The following DYNC1I1 variants were observed in gnomAD, a reference collection of about 807,000 sequenced individuals.
The protein encoded by DYNC1I1 is cytoplasmic dynein 1 intermediate chain 1.
DYNC1I1 carries 43 observed loss-of-function variants against 86.6 expected under a neutral mutation model. The observed-to-expected ratio is 0.50, with a 90% confidence interval of 0.39 to 0.64. DYNC1I1 has a LOEUF of 0.64. DYNC1I1 is among the 30% of genes least tolerant of loss of function. DYNC1I1 has a pLI of 0.00. For synonymous variants in DYNC1I1, 262 were observed against 283.7 expected, an observed-to-expected ratio of 0.92 and a Z score of 0.77; for missense variants, 604 against 788.8, an observed-to-expected ratio of 0.77 and a Z score of 2.81.
chr7:95,822,657 G>A lies in DYNC1I1; in HGVS notation c.315-5400G>A, dbSNP rs556969456. 7.2e-5 allele frequency among the ~76,000 whole-genome samples: 11 copies of A among 152,132 alleles called. No individual in the cohort carries two copies. The South Asian group carries it at 2.3e-3, about 32-fold the overall frequency. On this transcript the variant is annotated intron_variant, in intron 4 of 16. Transcript: ENST00000447467. Reference sequence around the variant, plus strand: ...TACTTAGCTTCTGAACACATAATAGGGCTCCTATGAAACAGAGATCAGAGA... The same window carrying A: ...TACTTAGCTTCTGAACACATAATAGAGCTCCTATGAAACAGAGATCAGAGA...
At chr7:96,100,215 C>T (rs1477338152), downstream of DYNC1I1, among the ~76,000 whole-genome samples, 3 of 152,154 alleles carry the variant, frequency 2.0e-5, no homozygotes, top group African/African-American at 7.2e-5. Flanking sequence ...AGACATAAGA[C>T]TTCTTTGAAG....
At chr7:96,013,097 G>C (rs976192961) in intron 10 of DYNC1I1, among the ~76,000 whole-genome samples, 1 of 152,086 alleles carries the variant, frequency 6.6e-6, no homozygotes, top group Non-Finnish European at 1.5e-5. Flanking sequence ...CCTGGATTAT[G>C]TGGGTCGGCC....
intron 10 of DYNC1I1, among the ~76,000 whole-genome samples, chr7:96,023,785 C>A (rs1267206192): frequency 6.6e-6 from 1 of 152,160 alleles, no homozygotes; most frequent in Non-Finnish European, 1.5e-5. Flanking sequence ...TGGCCAGTAA[C>A]TGGGCCATCT....
At chr7:95,877,491 G>C (rs886705278) in intron 6 of DYNC1I1, among the ~76,000 whole-genome samples, 4 of 152,124 alleles carry the variant, frequency 2.6e-5, no homozygotes, top group African/African-American at 9.7e-5. Context: ...CCAGAATCTT[G>C]GTGCAAAGAT....
chr7:95,923,223 T>C (rs913772397), intron 6 of DYNC1I1, among the ~76,000 whole-genome samples: 1 of 152,042 alleles, frequency 6.6e-6, no homozygotes, highest in African/African-American at 2.4e-5. Flanking sequence ...TACTGGATAA[T>C]AAGGGAATTG....
chr7:96,035,169 T>C lies in DYNC1I1; in HGVS notation c.1231-450T>C, dbSNP rs1029059115. ...TTTTATGACCTGAGTGACAACTTTC[T>C]GGTTTTAGTCCATGGAGGACACATA... On this transcript the variant is annotated intron_variant, in intron 12 of 16. Transcript: ENST00000447467. Among the ~76,000 whole-genome samples the C allele has an allele frequency of 1.3e-5, 2 of 152,354 alleles. 1 individual carries two copies. The highest frequency in any genetic ancestry group is 3.9e-4 in the East Asian group (2 of 5,186).
chr7:95,831,277 A>C (rs1788893486), intron 5 of DYNC1I1, among the ~76,000 whole-genome samples: 1 of 152,194 alleles, frequency 6.6e-6, no homozygotes, highest in Admixed American at 6.5e-5. Flanking sequence ...TTTTGTTAAC[A>C]TAATGTTGAT....
rs148567083 is a variant in DYNC1I1, at chr7:96,009,017, A to AT, written c.969+12947dup. On this transcript the variant is annotated intron_variant, in intron 10 of 16. Coordinates refer to ENST00000447467, the MANE Select transcript of DYNC1I1 (RefSeq NM_001135556.2). ...ATATTATGTTGCTTCATAACATCAA[A>AT]TTTGTTTTCCATCTATTTATCTATC... 6.2e-3 allele frequency among the ~76,000 whole-genome samples: 940 copies of AT among 152,300 alleles called. 9 individuals carry two copies. The highest frequency in any genetic ancestry group is 0.021 in the African/African-American group (891 of 41,574).
chr7:96,070,789 G>A (rs540983886), intron 14 of DYNC1I1, among the ~76,000 whole-genome samples: 8 of 152,292 alleles, frequency 5.3e-5, no homozygotes, highest in South Asian at 2.1e-4. Flanking sequence ...GCCTAGAGGC[G>A]TGTGATAAGA....
intron 5 of DYNC1I1, among the ~76,000 whole-genome samples, chr7:95,838,203 T>C (rs1789171403): frequency 6.6e-6 from 1 of 152,226 alleles, no homozygotes; most frequent in African/African-American, 2.4e-5. Flanking sequence ...TTGAGTTTTT[T>C]TTGTGTGTAC....
At chr7:96,093,999 T>A (rs899198019) in intron 16 of DYNC1I1, among the ~76,000 whole-genome samples, 1 of 152,210 alleles carries the variant, frequency 6.6e-6, no homozygotes, top group Non-Finnish European at 1.5e-5. Context: ...TGTTACTTGC[T>A]TGACACACAA....
At chr7:95,793,756 A>G (rs1360220722) in intron 1 of DYNC1I1, among the ~76,000 whole-genome samples, 2 of 152,222 alleles carry the variant, frequency 1.3e-5, no homozygotes, top group Non-Finnish European at 2.9e-5. Context: ...AGAAGTAAAC[A>G]GCATAGGGAC....
intron 14 of DYNC1I1, among the ~76,000 whole-genome samples, chr7:96,065,998 A>T (rs1789973996): frequency 6.6e-6 from 1 of 152,254 alleles, no homozygotes; most frequent in African/African-American, 2.4e-5. Flanking sequence ...ATCAATGCAC[A>T]TTTAATACAT....
intron 1 of DYNC1I1, among the ~76,000 whole-genome samples, chr7:95,797,015 G>C (rs1018206315): frequency 1.3e-5 from 2 of 151,976 alleles, no homozygotes; most frequent in African/African-American, 4.8e-5. Context: ...TACATGCACA[G>C]TTTTTAAAAA....
At chr7:96,030,330 TTGTGTGTGTGTGTGTGTG>T (rs200496803) in intron 11 of DYNC1I1, among the ~76,000 whole-genome samples, 303 of 135,466 alleles carry the variant, frequency 2.2e-3, no homozygotes, top group African/African-American at 7.4e-3. Context: ...AATGGTAGAG[TTGTGTGTGTGTGTGTGTG>T]TGTGTGTGTG....
chr7:96,102,251 A>G (rs539558669), downstream of DYNC1I1, among the ~76,000 whole-genome samples: 1 of 152,186 alleles, frequency 6.6e-6, no homozygotes, highest in African/African-American at 2.4e-5. Flanking sequence ...TAATACTCCA[A>G]AGATGCCTAG....
chr7:95,856,980 GA>G (rs897937260), intron 5 of DYNC1I1, among the ~76,000 whole-genome samples: 10 of 146,624 alleles, frequency 6.8e-5, no homozygotes, highest in East Asian at 3.9e-4. Context: ...ATCCGTCTCA[GA>G]AAAAAAAAAG....
At chr7:96,086,127 C>A (rs1790672421) in intron 16 of DYNC1I1, among the ~76,000 whole-genome samples, 1 of 152,170 alleles carries the variant, frequency 6.6e-6, no homozygotes, top group Non-Finnish European at 1.5e-5. Context: ...GTCTTTCTTG[C>A]AGATGTGTTT....
chr7:95,960,669 G>A (rs547416837), intron 6 of DYNC1I1, among the ~76,000 whole-genome samples: 9 of 152,240 alleles, frequency 5.9e-5, no homozygotes, highest in South Asian at 2.1e-4. Flanking sequence ...CCTTTCACTC[G>A]GTTGGCCTCA....
Sources: allele counts gnomAD v4.1 joint callset (sites outside exome capture counted in the v4.1 genomes callset), GRCh38; gene constraint gnomAD v4.1.1; transcripts MANE v1.5; gene names NCBI Gene and HGNC (gene_info 2026-07-23, HGNC 2026-07-21).